Variants in SLAIN1 observed in about 807,000 individuals in gnomAD.
The protein encoded by SLAIN1 is SLAIN family member 1.
A neutral mutation model predicts 55.4 loss-of-function variants in SLAIN1; 17 were observed. That is an observed-to-expected ratio of 0.31 (90% confidence interval 0.21 to 0.46). SLAIN1 has a LOEUF of 0.46. SLAIN1 is among the 20% of genes least tolerant of loss of function. The pLI, the probability that SLAIN1 is intolerant of heterozygous loss-of-function variation, is 1.00. For synonymous variants in SLAIN1, 348 were observed against 337.4 expected (o/e 1.03, Z -0.35); for missense variants, 682 against 785.1 (o/e 0.87, Z 1.57).
At chr13:77,714,040 G>A (rs890678070) in intron 1 of SLAIN1, among the ~76,000 whole-genome samples, 10 of 151,982 alleles carry the variant, frequency 6.6e-5, no homozygotes, top group Non-Finnish European at 1.5e-4. Flanking sequence ...GGGGCTAGGG[G>A]AGGGATAGCA....
chr13:77,748,804 A>G (rs1436173219), intron 4 of SLAIN1, among the ~76,000 whole-genome samples: 1 of 152,162 alleles, frequency 6.6e-6, no homozygotes, highest in African/African-American at 2.4e-5. Context: ...GTGTTTCTCA[A>G]CTGTCTAAGG....
intron 1 of SLAIN1, among the ~76,000 whole-genome samples, chr13:77,699,912 C>T (rs1208928014): frequency 6.6e-6 from 1 of 152,062 alleles, no homozygotes; most frequent in African/African-American, 2.4e-5. Context: ...TCATGATGGT[C>T]CTTAGATTTC....
In SLAIN1 at chr13:77,707,128, C is replaced by CT. The variant is rs764047265; in HGVS notation, c.626+8597dup. ...TCCAGTTTCTTTCTTTTCTTTCTTT[C>CT]TTTTTTTTAAGAACTTGTAACAGAC... On this transcript the variant is annotated intron_variant, in intron 1 of 6. Coordinates refer to ENST00000418532, the MANE Select transcript of SLAIN1 (RefSeq NM_001242868.2). 7.8e-3 allele frequency among the ~76,000 whole-genome samples: 1,157 copies of CT among 148,710 alleles called. 18 individuals are homozygous for CT. Among genetic ancestry groups the CT allele is most frequent in the African/African-American group, 0.024 (969 of 40,482 alleles).
chr13:77,706,442 G>A (rs753009247), intron 1 of SLAIN1, among the ~76,000 whole-genome samples: 26 of 151,892 alleles, frequency 1.7e-4, no homozygotes, highest in Non-Finnish European at 2.6e-4. Context: ...CCCCAAACAC[G>A]CTAAAGGAGC....
In SLAIN1 at chr13:77,698,238, G is replaced by C; in HGVS notation, c.325G>C (p.Gly109Arg). Residue 109 changes from glycine (G) to arginine (R), a missense_variant, in exon 1 of 7, where the codon GGC (glycine) becomes CGC (arginine). Gly to Arg is a moderately radical substitution (Grantham distance 125). Transcript: ENST00000418532. The surrounding 1 kb of genome is among the most constrained non-coding windows in gnomAD (Gnocchi z 4.1). ...GGCGCTGGGCGCGGGGGGCGGTGGC[G>C]GCAGCGGTAGTGGCAGCGGCGGTGG... is the stretch of plus-strand genomic sequence containing the variant. The part of the protein sequence containing the change: ...GLALGAGGGG[G>R]SGSGSGGGSS... 5 of 1,362,660 alleles carry C rather than the reference G, an allele frequency of 3.7e-6. No individual in the cohort carries two copies. The highest frequency in any genetic ancestry group is 4.7e-6 in the Non-Finnish European group (5 of 1,053,412). 84.4% of individuals were successfully genotyped at this position (1,362,660 alleles called of 1,614,324 possible).
intron 1 of SLAIN1, among the ~76,000 whole-genome samples, chr13:77,714,663 T>C (rs1775169230): frequency 6.6e-6 from 1 of 152,140 alleles, no homozygotes; most frequent in Non-Finnish European, 1.5e-5. Context: ...CTTGTGACTT[T>C]TTAAAAACTG....
intron 6 of SLAIN1, among the ~76,000 whole-genome samples, chr13:77,762,343 G>T (rs1428547185): frequency 6.6e-6 from 1 of 152,012 alleles, no homozygotes; most frequent in Non-Finnish European, 1.5e-5. Flanking sequence ...ATGTGAGATG[G>T]TCTATTTCCC....
chr13:77,753,318 G>T lies in SLAIN1; in HGVS notation c.1374G>T (p.Leu458Phe), dbSNP rs756907909. The stretch of plus-strand genomic sequence containing the variant: ...ATAGTCAGAGTTTTGACTCAAGCTT[G>T]CATGGAGCTGGAAATGGAATTTCAA... ...VRNSQSFDSS[L>F]HGAGNGISRI... Residue 458 changes from leucine to phenylalanine, a missense_variant, in exon 5 of 7, where the codon TTG becomes TTT. By Grantham distance (22) the Leu-to-Phe change is conservative (BLOSUM62 0). This residue lies in a region of SLAIN1 where 244 missense variants were observed against 295.2 expected (regional missense o/e 0.83). Coordinates refer to ENST00000418532, the MANE Select transcript of SLAIN1 (RefSeq NM_001242868.2). The T allele has an allele frequency of 5.0e-6, 8 of 1,611,364 alleles. No homozygotes were observed. Among genetic ancestry groups the T allele is most frequent in the South Asian group, 1.1e-5 (1 of 90,638 alleles).
intron 2 of SLAIN1, among the ~76,000 whole-genome samples, chr13:77,730,679 A>G (rs1347255589): frequency 6.6e-6 from 1 of 152,112 alleles, no homozygotes; most frequent in African/African-American, 2.4e-5. Flanking sequence ...CTACTGTCAT[A>G]GTTGTAAGGT....
At position 77,744,583 on chromosome 13, in the gene SLAIN1, G is replaced by T. The variant is rs1202410615; in HGVS notation, c.916+151G>T. On this transcript the variant is annotated intron_variant, in intron 3 of 6. Coordinates refer to ENST00000418532, the MANE Select transcript of SLAIN1 (RefSeq NM_001242868.2). ...ACTTTTTAGGTGGAGCCAGTTATAT[G>T]CTTCTCACACTATCATGAGGTGGTA... 5 of 1,172,848 alleles carry T rather than the reference G, an allele frequency of 4.3e-6. No individual in the cohort carries two copies. The South Asian group carries it at 6.8e-5, about 16-fold the overall frequency. The allele number at this position is 1,172,848 out of a possible 1,614,324, so 72.7% of individuals were successfully genotyped here. A position where few individuals can be genotyped will look rare whatever the true frequency, so the allele number is the denominator to read the frequency against.
chr13:77,718,597 G>A (rs1177862417), intron 1 of SLAIN1, among the ~76,000 whole-genome samples: 1 of 152,170 alleles, frequency 6.6e-6, no homozygotes, highest in Non-Finnish European at 1.5e-5. Context: ...AATGAAGTAT[G>A]TTATTTCAAG....
chr13:77,700,545 T>C (rs1460715381), intron 1 of SLAIN1, among the ~76,000 whole-genome samples: 3 of 152,222 alleles, frequency 2.0e-5, no homozygotes, highest in Non-Finnish European at 4.4e-5. Context: ...TATTATTACA[T>C]TTTATGCATC....
At chr13:77,746,906 T>C (rs774388305) in intron 4 of SLAIN1, 51 bp downstream of exon 4, 14 of 1,458,722 alleles carry the variant, frequency 9.6e-6, no homozygotes, top group Non-Finnish European at 1.3e-5. Flanking sequence ...TTTTTATATG[T>C]GGTCAAGAAA....
At chr13:77,700,637 ATGCT>A (rs1443591894) in intron 1 of SLAIN1, among the ~76,000 whole-genome samples, 1 of 152,206 alleles carries the variant, frequency 6.6e-6, no homozygotes, top group East Asian at 1.9e-4. Flanking sequence ...CCACTTGTTA[ATGCT>A]TGCAAAGCAC....
chr13:77,703,184 C>G (rs373311823), intron 1 of SLAIN1, among the ~76,000 whole-genome samples: 7 of 152,156 alleles, frequency 4.6e-5, no homozygotes, highest in East Asian at 1.9e-4. Flanking sequence ...TTTTAACTTT[C>G]CCAACTGGGA....
chr13:77,747,012 C>T (rs1221360344), intron 4 of SLAIN1, among the ~76,000 whole-genome samples, 157 bp downstream of exon 4: 1 of 152,128 alleles, frequency 6.6e-6, no homozygotes, highest in Non-Finnish European at 1.5e-5. Flanking sequence ...CTGCAACCTC[C>T]ACCTCCTAGG....
At chr13:77,745,964 G>T (rs1873783994) in intron 3 of SLAIN1, among the ~76,000 whole-genome samples, 2 of 152,102 alleles carry the variant, frequency 1.3e-5, no homozygotes, top group South Asian at 4.1e-4. Flanking sequence ...ACTATTAGAA[G>T]TATTGAGGTG....
chr13:77,705,061 A>T lies in SLAIN1; in HGVS notation c.626+6522A>T, dbSNP rs568893322. On this transcript the variant is annotated intron_variant, in intron 1 of 6. Coordinates refer to ENST00000418532, the MANE Select transcript of SLAIN1 (RefSeq NM_001242868.2). ...CTGTATATACAGAGGTTTTATATGT[A>T]TATATACACACATAAAATATATACT... Among the ~76,000 whole-genome samples, 4 of 151,658 alleles carry T rather than the reference A, an allele frequency of 2.6e-5. No individual in the cohort carries two copies. In the South Asian group the frequency reaches 8.3e-4, roughly 31 times the overall value.
Position 77,750,820 on chromosome 13 carries a change from G to A in SLAIN1, c.1259-2383G>A, listed in dbSNP as rs1333966561. ...AAGCTTCTCTATGGTGGGGATAATT[G>A]TGCCAATTCTTAAAGTATTAGTAAG... On this transcript the variant is annotated intron_variant, in intron 4 of 6. Coordinates refer to ENST00000418532, the MANE Select transcript of SLAIN1 (RefSeq NM_001242868.2). Among the ~76,000 whole-genome samples the A allele has an allele frequency of 2.0e-5, 3 of 152,220 alleles. No homozygotes were observed. In the South Asian group the frequency reaches 6.2e-4, roughly 32 times the overall value.
Sources: gnomAD v4.1 joint callset for allele counts (sites outside exome capture counted in the v4.1 genomes callset) on GRCh38, gnomAD v4.1.1 for gene constraint, gnomAD v4.1.1 regional missense constraint, Gnocchi (gnomAD v3.1) non-coding constraint, MANE v1.5 for transcripts, NCBI Gene and HGNC (gene_info 2026-07-23, HGNC 2026-07-21) for gene names.